DYRK1A: variants seen among roughly 807,000 people sequenced by gnomAD.
DYRK1A encodes the protein dual specificity tyrosine phosphorylation regulated kinase 1A.
A neutral mutation model predicts 79.7 loss-of-function variants in DYRK1A; 9 were observed. The observed-to-expected ratio is 0.11, with a 90% CI of 0.07 to 0.20. The LOEUF is 0.20. Ranked by LOEUF, DYRK1A falls within the 10% of genes least tolerant of loss-of-function variation. The pLI is 1.00. For missense variants in DYRK1A, 622 were observed against 956.0 expected, an observed-to-expected ratio of 0.65 and a Z score of 4.61; for synonymous variants, 349 against 329.7, an observed-to-expected ratio of 1.06 and a Z score of -0.63.
rs57380457 is a variant in DYRK1A at position 37,446,581 on chromosome 21, C to CTT, written c.11-26090_11-26089dup. Among the ~76,000 whole-genome samples, 1,367 of 144,786 alleles carry CTT rather than the reference C, an allele frequency of 9.4e-3. 22 individuals carry two copies. The highest frequency in any genetic ancestry group is 0.033 in the African/African-American group (1,295 of 39,388). 95.0% of individuals were successfully genotyped at this position (144,786 alleles called of 152,430 possible). On this transcript the variant is annotated intron_variant, in intron 2 of 11. Transcript: ENST00000647188. ...ACAATGTATAGGCAGGTTTGAAATT[C>CTT]TTTTTTTTTTTTTTAATTTGAGTGG...
chr21:37,372,276 T>C (rs1424249340), intron 1 of DYRK1A, among the ~76,000 whole-genome samples: 1 of 124,328 alleles, frequency 8.0e-6, no homozygotes, highest in African/African-American at 3.4e-5. Context: ...AAACCCTGTC[T>C]CAAAAAACAA....
intron 2 of DYRK1A, among the ~76,000 whole-genome samples, chr21:37,469,964 T>G (rs996397698): frequency 6.6e-6 from 1 of 152,078 alleles, no homozygotes; most frequent in Non-Finnish European, 1.5e-5. Context: ...GCTAACATGG[T>G]GAAACCCTGT....
At chr21:37,428,156 C>G (rs1172188975) in intron 2 of DYRK1A, among the ~76,000 whole-genome samples, 1 of 152,200 alleles carries the variant, frequency 6.6e-6, no homozygotes, top group African/African-American at 2.4e-5. Context: ...AGTCCCTCCT[C>G]TTAATGATCA....
At chr21:37,374,005 T>G (rs760711984) in intron 1 of DYRK1A, among the ~76,000 whole-genome samples, 1 of 152,244 alleles carries the variant, frequency 6.6e-6, no homozygotes, top group African/African-American at 2.4e-5. Flanking sequence ...TAGACCGTTA[T>G]GCAAAATATA....
chr21:37,382,870 T>C (rs1259816014), intron 1 of DYRK1A, among the ~76,000 whole-genome samples: 1 of 152,246 alleles, frequency 6.6e-6, no homozygotes, highest in Non-Finnish European at 1.5e-5. Flanking sequence ...GAAGAGTTTC[T>C]GTAACCCATT....
chr21:37,505,152 G>T, intron 9 of DYRK1A, 131 bp from the exon 10 acceptor site: 1 of 713,200 alleles, frequency 1.4e-6, no homozygotes. Context: ...AAAGGCAGAG[G>T]ATTTAACTAT....
chr21:37,370,254 T>TACACACAATCCAAACAC (rs1243972828), intron 1 of DYRK1A, among the ~76,000 whole-genome samples: 1 of 152,208 alleles, frequency 6.6e-6, no homozygotes, highest in African/African-American at 2.4e-5. Flanking sequence ...CACGAAGTGT[T>TACACACAATCCAAACAC]AATTTGGATT....
intron 3 of DYRK1A, among the ~76,000 whole-genome samples, chr21:37,477,577 G>A (rs1028217393): frequency 3.9e-5 from 6 of 152,180 alleles, no homozygotes; most frequent in Non-Finnish European, 8.8e-5. Flanking sequence ...GGTGTCGAGA[G>A]CCATGAGTTG....
chr21:37,511,264 G>C (rs1420967659), intron 11 of DYRK1A, among the ~76,000 whole-genome samples: 5 of 152,210 alleles, frequency 3.3e-5, no homozygotes, highest in Admixed American at 2.0e-4. Context: ...GCAGTGAGAA[G>C]TCATTAAAGG....
At chr21:37,368,239 G>T (rs1236712399) in intron 1 of DYRK1A, 4 of 152,276 alleles carry the variant, frequency 2.6e-5, no homozygotes, top group Admixed American at 2.6e-4. Context: ...GCGGCTCGGG[G>T]TGGAGGGATG....
At chr21:37,400,067 C>T (rs1002838612) in intron 1 of DYRK1A, among the ~76,000 whole-genome samples, 2 of 152,160 alleles carry the variant, frequency 1.3e-5, no homozygotes, top group African/African-American at 4.8e-5. Flanking sequence ...AGGGCCAGGG[C>T]TGTGCTTTAG....
intron 1 of DYRK1A, among the ~76,000 whole-genome samples, chr21:37,390,603 C>G (rs564875863): frequency 6.6e-6 from 1 of 152,190 alleles, no homozygotes; most frequent in Non-Finnish European, 1.5e-5. Context: ...CAGTCTCGCT[C>G]TGTCACTCAG....
chr21:37,415,139 C>G (rs1353264344), intron 1 of DYRK1A, among the ~76,000 whole-genome samples: 5 of 152,148 alleles, frequency 3.3e-5, no homozygotes, highest in African/African-American at 7.2e-5. Context: ...TTTTGTCTTT[C>G]AGGCCCAGAT....
intron 5 of DYRK1A, among the ~76,000 whole-genome samples, chr21:37,484,131 C>A (rs528590952): frequency 2.6e-5 from 4 of 152,204 alleles, no homozygotes; most frequent in Non-Finnish European, 4.4e-5. Context: ...ACTGTGCATG[C>A]GAGGGATCTA....
At chr21:37,483,434 T>C (rs1340753803) in intron 5 of DYRK1A, among the ~76,000 whole-genome samples, 2 of 152,236 alleles carry the variant, frequency 1.3e-5, no homozygotes, top group Admixed American at 6.5e-5. Context: ...TACCAGTCCC[T>C]GATGTCACGT....
At chr21:37,391,736 C>T (rs2049874063) in intron 1 of DYRK1A, among the ~76,000 whole-genome samples, 1 of 152,168 alleles carries the variant, frequency 6.6e-6, no homozygotes, top group South Asian at 2.1e-4. Context: ...CCTAGTTTAT[C>T]TTTCCGTTTT....
chr21:37,495,118 T>C (rs2053222058), intron 8 of DYRK1A, among the ~76,000 whole-genome samples: 2 of 151,738 alleles, frequency 1.3e-5, no homozygotes, highest in South Asian at 4.2e-4. Context: ...AAAAGTACTT[T>C]ATTAGGTCCA....
chr21:37,378,788 A>G (rs2049599624), intron 1 of DYRK1A, among the ~76,000 whole-genome samples: 1 of 152,226 alleles, frequency 6.6e-6, no homozygotes, highest in Non-Finnish European at 1.5e-5. Flanking sequence ...AAACTTGAAC[A>G]CAGATAAGAC....
intron 2 of DYRK1A, among the ~76,000 whole-genome samples, chr21:37,458,457 T>C (rs1269956272): frequency 6.6e-6 from 1 of 152,226 alleles, no homozygotes; most frequent in Non-Finnish European, 1.5e-5. Context: ...CAGATCGTCT[T>C]TGAGGCACAT....
Sources: allele counts gnomAD v4.1 joint callset (sites outside exome capture counted in the v4.1 genomes callset), GRCh38; gene constraint gnomAD v4.1.1; transcripts MANE v1.5; gene names NCBI Gene and HGNC (gene_info 2026-07-23, HGNC 2026-07-21).